The following RAB11B variants were observed in gnomAD, a reference collection of about 807,000 sequenced individuals.
RAB11B encodes the protein ras-related protein Rab-11B.
In RAB11B, 7 loss-of-function variants were observed where a neutral mutation model predicts 23.7. The observed-to-expected ratio is 0.29, with a 90% CI of 0.17 to 0.55. The LOEUF is 0.55. Among genes scored for constraint, RAB11B ranks in the 20% least tolerant of loss-of-function variants. RAB11B has a pLI of 0.93. For synonymous variants in RAB11B, 138 were observed against 132.0 expected, an observed-to-expected ratio of 1.05 and a Z score of -0.31; for missense variants, 189 against 320.0, an observed-to-expected ratio of 0.59 and a Z score of 3.12.
chr19:8,393,840 C>T (rs1392117217), intron 1 of RAB11B, among the ~76,000 whole-genome samples: 1 of 152,224 alleles, frequency 6.6e-6, no homozygotes, highest in African/African-American at 2.4e-5. Context: ...CCAGGGCCAC[C>T]ACACTGTCAT....
chr19:8,391,644 G>A (rs1275600995), intron 1 of RAB11B, among the ~76,000 whole-genome samples: 4 of 152,206 alleles, frequency 2.6e-5, no homozygotes, highest in Admixed American at 6.5e-5. Flanking sequence ...TGGATCCAAG[G>A]TGCCTTCACC....
intron 1 of RAB11B, among the ~76,000 whole-genome samples, chr19:8,394,980 G>A (rs1365637232): frequency 6.6e-6 from 1 of 152,246 alleles, no homozygotes; most frequent in East Asian, 1.9e-4. Context: ...CACTAAGGCT[G>A]TACAGCTGGG....
At chr19:8,400,707 C>T (rs1237136716) in intron 2 of RAB11B, among the ~76,000 whole-genome samples, 1 of 152,082 alleles carries the variant, frequency 6.6e-6, no homozygotes, top group Non-Finnish European at 1.5e-5. Flanking sequence ...CTGCCTCAGC[C>T]TCCCAAGTAG....
chr19:8,403,669 G>C lies in RAB11B; in HGVS notation c.*111G>C. The C allele has an allele frequency of 7.6e-6, 11 of 1,452,376 alleles. No homozygotes were observed. Among genetic ancestry groups the C allele is most frequent in the Non-Finnish European group, 1.0e-5 (11 of 1,080,500 alleles). The allele number at this position is 1,452,376 out of a possible 1,614,324, so 90.0% of individuals were successfully genotyped here. The stretch of plus-strand genomic sequence containing the variant: ...TGGCCGGCTCGTTCCAGCCCTCCCA[G>C]TGAGCTCTGCACGGCCGGGCCGGGG... On this transcript the variant is annotated 3_prime_UTR_variant, in exon 5 of 5. Coordinates refer to ENST00000328024, the MANE Select transcript of RAB11B (RefSeq NM_004218.4).
intron 1 of RAB11B, among the ~76,000 whole-genome samples, chr19:8,398,818 G>T (rs946395871): frequency 6.6e-6 from 1 of 152,076 alleles, no homozygotes; most frequent in Non-Finnish European, 1.5e-5. Flanking sequence ...CAGAATCTCT[G>T]TTGCCTAGGC....
intron 1 of RAB11B, among the ~76,000 whole-genome samples, chr19:8,392,649 A>ATTCTCT (rs1971365326): frequency 7.6e-6 from 1 of 131,952 alleles, no homozygotes; most frequent in African/African-American, 2.9e-5. Flanking sequence ...GACCTCCTCT[A>ATTCTCT]TTCTCTTTCA....
intron 1 of RAB11B, among the ~76,000 whole-genome samples, chr19:8,391,078 C>T (rs1053047909): frequency 7.9e-5 from 12 of 152,094 alleles, no homozygotes; most frequent in African/African-American, 2.4e-4. Context: ...GTGTGTGCAG[C>T]AAGAATTCCA....
intron 1 of RAB11B, among the ~76,000 whole-genome samples, chr19:8,394,977 G>A (rs952837214): frequency 1.3e-5 from 2 of 152,236 alleles, no homozygotes; most frequent in Admixed American, 1.3e-4. Context: ...AGCCACTAAG[G>A]CTGTACAGCT....
intron 1 of RAB11B, among the ~76,000 whole-genome samples, chr19:8,392,270 C>T (rs4267458): frequency 0.54 from 82,748 of 151,958 alleles, 23,420 homozygotes; most frequent in African/African-American, 0.66. Flanking sequence ...GACCCAGCTC[C>T]GAGTGCTTGC....
chr19:8,403,652 T>C lies in RAB11B; in HGVS notation c.*94T>C. ...TCCCTGCTGTCCCTCTGTGGCCGGCTCGTTCCAGCCCTCCCAGTGAGCTCT... is the reference window on the plus strand; with the variant it reads ...TCCCTGCTGTCCCTCTGTGGCCGGCCCGTTCCAGCCCTCCCAGTGAGCTCT... On this transcript the variant is annotated 3_prime_UTR_variant, in exon 5 of 5. Coordinates refer to ENST00000328024, the MANE Select transcript of RAB11B (RefSeq NM_004218.4). 2 of 1,497,150 alleles carry C rather than the reference T, an allele frequency of 1.3e-6. No homozygotes were observed. Among genetic ancestry groups the C allele is most frequent in the African/African-American group, 1.4e-5 (1 of 72,564 alleles). 92.7% of individuals were successfully genotyped at this position (1,497,150 alleles called of 1,614,324 possible).
intron 1 of RAB11B, among the ~76,000 whole-genome samples, chr19:8,397,168 C>G: frequency 6.6e-6 from 1 of 152,090 alleles, no homozygotes; most frequent in East Asian, 1.9e-4. Context: ...AGGGAGTGAT[C>G]GGGAGCTTGG....
At chr19:8,402,385 G>A (rs1971445427) in intron 3 of RAB11B, 100 bp from the exon 4 acceptor site, 3 of 1,548,138 alleles carry the variant, frequency 1.9e-6, no homozygotes, top group East Asian at 4.6e-5. Context: ...CCTGAGGAGT[G>A]GCCTTGGGAT....
intron 1 of RAB11B, among the ~76,000 whole-genome samples, chr19:8,397,009 G>C (rs546550830): frequency 4.6e-4 from 70 of 152,352 alleles, no homozygotes; most frequent in African/African-American, 1.6e-3. Flanking sequence ...TCTTGGATCT[G>C]TTTCGGATGT....
Position 8,390,406 on chromosome 19 carries a change from G to A in RAB11B, c.-11G>A. The A allele has an allele frequency of 6.5e-7, 1 of 1,533,500 alleles. No homozygotes were observed. Among genetic ancestry groups the A allele is most frequent in the Non-Finnish European group, 8.7e-7 (1 of 1,144,120 alleles). The allele number at this position is 1,533,500 out of a possible 1,614,324, so 95.0% of individuals were successfully genotyped here. A position where few individuals can be genotyped will look rare whatever the true frequency, so the allele number is the denominator to read the frequency against. On this transcript the variant is annotated 5_prime_UTR_variant, in exon 1 of 5. Transcript: ENST00000328024. ...TGCGGAGTCGCCGATCCCGCCGGAA[G>A]CGCCAGGACAATGGGGACCCGGGAC...
In RAB11B at chr19:8,402,534, C is replaced by T. The variant is rs770759610; in HGVS notation, c.480C>T (p.Asn160=). 7.4e-6 allele frequency: 12 copies of T among 1,613,896 alleles called. No individual in the cohort carries two copies. The highest frequency in any genetic ancestry group is 6.7e-5 in the East Asian group (3 of 44,882). The change falls in exon 4 of 5, where the codon AAC becomes AAT. Residue 160 remains asparagine, a synonymous_variant. Transcript: ENST00000328024. Reference sequence around the variant, plus strand: ...AGACCTCAGCCTTGGATTCCACTAACGTAGAGGAAGCATTCAAGAACATCC... The same window carrying T: ...AGACCTCAGCCTTGGATTCCACTAATGTAGAGGAAGCATTCAAGAACATCC... ...FIETSALDST[N]VEEAFKNILT... is the part of the protein sequence containing the mutation.
chr19:8,399,797 G>A (rs1971423617), intron 1 of RAB11B, 66 bp from the exon 2 acceptor site: 18 of 1,563,710 alleles, frequency 1.2e-5, no homozygotes, highest in South Asian at 2.3e-5. Context: ...GGGAACCGGC[G>A]GGAAGGTTGT....
chr19:8,390,449 A>T lies in RAB11B; in HGVS notation c.33A>T (p.Leu11=). The change falls in exon 1 of 5, where the codon CTA becomes CTT. Residue 11 remains leucine (L), a synonymous_variant. Transcript: ENST00000328024. ...CCCGGGACGACGAGTACGACTACCT[A>T]TTCAAAGGTGCGGCCGGTGGGGCAC... is the stretch of plus-strand genomic sequence containing the variant. The part of the protein sequence containing the change: MGTRDDEYDY[L]FKVVLIGDSG... The T allele has an allele frequency of 6.6e-7, 1 of 1,513,222 alleles. No individual in the cohort carries two copies. The highest frequency in any genetic ancestry group is 1.3e-5 in the South Asian group (1 of 79,158). 93.7% of individuals were successfully genotyped at this position (1,513,222 alleles called of 1,614,324 possible). A position where few individuals can be genotyped will look rare whatever the true frequency, so the allele number is the denominator to read the frequency against.
At position 8,402,167 on chromosome 19, in the gene RAB11B, G is replaced by A; in HGVS notation, c.318G>A (p.Leu106=). The change falls in exon 3 of 5, where the codon CTG becomes CTA. Residue 106 remains leucine, a synonymous_variant. Transcript: ENST00000328024. The part of the protein sequence containing the change: ...HLTYENVERW[L]KELRDHADSN... Reference sequence around the variant, plus strand: ...CCTATGAGAACGTGGAGCGCTGGCTGAAGGAGCTGCGGGACCACGCAGACA... The same window carrying A: ...CCTATGAGAACGTGGAGCGCTGGCTAAAGGAGCTGCGGGACCACGCAGACA... The A allele has an allele frequency of 6.2e-7, 1 of 1,605,666 alleles. No homozygotes were observed.
chr19:8,390,494 G>T, intron 1 of RAB11B, 38 bp downstream of exon 1: 1 of 1,476,086 alleles, frequency 6.8e-7, no homozygotes, highest in Non-Finnish European at 9.0e-7. Context: ...AAGTCGTGGC[G>T]GCGAGGCGGC....
Sources: gnomAD v4.1 joint callset for allele counts (sites outside exome capture counted in the v4.1 genomes callset) on GRCh38, gnomAD v4.1.1 for gene constraint, MANE v1.5 for transcripts, NCBI Gene and HGNC (gene_info 2026-07-23, HGNC 2026-07-21) for gene names.